ANXA2: variants seen among roughly 807,000 people sequenced by gnomAD.
The protein encoded by ANXA2 is annexin II.
A neutral mutation model predicts 47.3 loss-of-function variants in ANXA2; 28 were observed. The observed-to-expected ratio is 0.59, with a 90% CI of 0.44 to 0.81. The LOEUF (loss-of-function observed/expected upper bound fraction) is 0.81, where lower values mean the gene tolerates loss of function less well. ANXA2 is among the 40% of genes least tolerant of loss of function. The pLI, the probability that ANXA2 is intolerant of heterozygous loss-of-function variation, is 0.00. For synonymous variants in ANXA2, 172 were observed against 155.5 expected, an observed-to-expected ratio of 1.11 and a Z score of -0.79; for missense variants, 384 against 414.3, an observed-to-expected ratio of 0.93 and a Z score of 0.64.
chr15:60,353,651 T>C (rs981249752), intron 8 of ANXA2, among the ~76,000 whole-genome samples: 8 of 152,156 alleles, frequency 5.3e-5, no homozygotes, highest in African/African-American at 1.9e-4. Flanking sequence ...CCCCTCCCAC[T>C]GAGTGTGGGC....
chr15:60,383,521 C>A (rs777960055), intron 2 of ANXA2: 1 of 152,236 alleles, frequency 6.6e-6, no homozygotes, highest in Non-Finnish European at 1.5e-5. Context: ...AGTGCTTCTA[C>A]GTCAGTTCTC....
chr15:60,394,271 A>T (rs1042581208), intron 1 of ANXA2, among the ~76,000 whole-genome samples: 1 of 152,108 alleles, frequency 6.6e-6, no homozygotes, highest in Admixed American at 6.5e-5. Context: ...TGTGGCAGGG[A>T]GACAAAGGAC....
At chr15:60,365,905 G>A (rs1045349049) in intron 3 of ANXA2, among the ~76,000 whole-genome samples, 11 of 125,410 alleles carry the variant, frequency 8.8e-5, no homozygotes, top group Non-Finnish European at 6.6e-5. Flanking sequence ...CCGAGCCAAA[G>A]CTGGACGGTA....
At chr15:60,387,890 C>G (rs115407836) in intron 1 of ANXA2, among the ~76,000 whole-genome samples, 341 of 152,182 alleles carry the variant, frequency 2.2e-3, no homozygotes, top group African/African-American at 7.2e-3. Flanking sequence ...TAAAACTTTC[C>G]TAAAAATGAA....
intron 3 of ANXA2, among the ~76,000 whole-genome samples, chr15:60,380,012 T>C (rs1436819981): frequency 6.6e-6 from 1 of 152,170 alleles, no homozygotes; most frequent in African/African-American, 2.4e-5. Flanking sequence ...CTTTGCTAGA[T>C]GAGTTAACTG....
intron 7 of ANXA2, among the ~76,000 whole-genome samples, chr15:60,354,446 C>T (rs2062394456): frequency 6.6e-6 from 1 of 151,992 alleles, no homozygotes; most frequent in Non-Finnish European, 1.5e-5. Context: ...TGGAGACCAA[C>T]CTGGCTAACA....
At chr15:60,367,548 G>A (rs1416709735) in intron 3 of ANXA2, among the ~76,000 whole-genome samples, 1 of 59,092 alleles carries the variant, frequency 1.7e-5, no homozygotes. Flanking sequence ...CAGCCGCCCC[G>A]TCCGGGAGGG....
At chr15:60,390,606 T>G (rs909192853) in intron 1 of ANXA2, 1 of 281,536 alleles carries the variant, frequency 3.6e-6, no homozygotes, top group African/African-American at 2.3e-5. Flanking sequence ...TCTAAGAAAA[T>G]GCTGGCTGTT....
At chr15:60,350,642 A>G (rs926551805) in intron 11 of ANXA2, among the ~76,000 whole-genome samples, 1 of 152,138 alleles carries the variant, frequency 6.6e-6, no homozygotes, top group African/African-American at 2.4e-5. Context: ...GTCTACGGGA[A>G]GAGGTGGTTC....
Position 60,347,360 on chromosome 15 carries a change from T to C in ANXA2, c.*270A>G. Reference sequence around the variant, plus strand: ...CTAAAGTACAAATTCAGTTTATTCATCTGTTTATGACACAGTACACAGGAG... The same window carrying C: ...CTAAAGTACAAATTCAGTTTATTCACCTGTTTATGACACAGTACACAGGAG... On this transcript the variant is annotated 3_prime_UTR_variant, in exon 13 of 13. Transcript: ENST00000451270. 1 of 483,504 alleles carries C rather than the reference T, an allele frequency of 2.1e-6. No individual in the cohort carries two copies. The highest frequency in any genetic ancestry group is 3.7e-6 in the Non-Finnish European group (1 of 269,960). 30.0% of individuals were successfully genotyped at this position (483,504 alleles called of 1,614,324 possible).
At chr15:60,397,804 TC>T in intron 1 of ANXA2, 138 bp downstream of exon 1, 3 of 1,280,206 alleles carry the variant, frequency 2.3e-6, no homozygotes, top group Non-Finnish European at 3.0e-6. Context: ...GTGCCGGCCG[TC>T]CCTTCAGCCC....
Position 60,349,202 on chromosome 15 carries a change from A to G in ANXA2, c.838-5T>C, listed in dbSNP as rs369203934. The stretch of plus-strand genomic sequence containing the variant: ...CTTATCTCGCGTCCCCTTGCCCTGA[A>G]AATCAAGTTGATATTTGTTACATTC... On this transcript the variant is annotated splice_region_variant and splice_polypyrimidine_tract_variant and intron_variant, in intron 11 of 12. Transcript: ENST00000451270. The G allele has an allele frequency of 4.3e-5, 69 of 1,613,808 alleles. No homozygotes were observed. In the East Asian group the frequency reaches 1.4e-3, roughly 33 times the overall value.
intron 1 of ANXA2, among the ~76,000 whole-genome samples, chr15:60,395,072 A>G (rs2063063509): frequency 6.6e-6 from 1 of 151,982 alleles, no homozygotes; most frequent in Non-Finnish European, 1.5e-5. Context: ...CATAATTTTA[A>G]GCAAAACTTC....
At chr15:60,351,990 C>G (rs867651275) in intron 9 of ANXA2, among the ~76,000 whole-genome samples, 171 bp from the exon 10 acceptor site, 1 of 152,134 alleles carries the variant, frequency 6.6e-6, no homozygotes, top group East Asian at 1.9e-4. Context: ...CCAAGTTTGT[C>G]GTGGAACAGC....
chr15:60,391,046 A>G (rs773212877), intron 1 of ANXA2: 3 of 152,368 alleles, frequency 2.0e-5, no homozygotes, highest in Non-Finnish European at 4.4e-5. Context: ...AGCCTGCACT[A>G]TATTAAAGGA....
rs373873496 is a variant in ANXA2 at position 60,351,950 on chromosome 15, G to A, written c.683-131C>T. 4.4e-6 allele frequency: 3 copies of A among 676,228 alleles called. No individual in the cohort carries two copies. In the South Asian group the frequency reaches 5.7e-5, roughly 13 times the overall value. 41.9% of individuals were successfully genotyped at this position (676,228 alleles called of 1,614,324 possible). ...GATCACAGCATCCTAGGAGCTTAGA[G>A]GTTACCACGGTGACCAGAGCCAACA... is the stretch of plus-strand genomic sequence containing the variant. On this transcript the variant is annotated intron_variant, in intron 9 of 12. Transcript: ENST00000451270.
chr15:60,376,396 AGAC>A (rs1298088157), intron 3 of ANXA2, among the ~76,000 whole-genome samples: 83 of 151,806 alleles, frequency 5.5e-4, no homozygotes, highest in African/African-American at 1.8e-3. Flanking sequence ...AAAAAAAAGA[AGAC>A]GACGACGACA....
At chr15:60,397,771 GC>G (rs1161755287) in intron 1 of ANXA2, 171 bp downstream of exon 1, 1 of 1,074,318 alleles carries the variant, frequency 9.3e-7, no homozygotes, top group Non-Finnish European at 1.2e-6. Flanking sequence ...TTGTCCCTGA[GC>G]CCCCTCCCCA....
rs192007427 is a variant in ANXA2 at position 60,397,954 on chromosome 15, G to A, written c.-23C>T. On this transcript the variant is annotated 5_prime_UTR_variant, in exon 1 of 13. Coordinates refer to ENST00000451270, the MANE Select transcript of ANXA2 (RefSeq NM_004039.3). Reference sequence around the variant, plus strand: ...CGCGCCCCGCTTACCTGGGCCGTGCGCCGAGAGCTGAGAGCGTCCCCAAAT... The same window carrying A: ...CGCGCCCCGCTTACCTGGGCCGTGCACCGAGAGCTGAGAGCGTCCCCAAAT... 3.2e-3 allele frequency: 4,045 copies of A among 1,278,834 alleles called. 307 individuals carry two copies. The Admixed American group carries it at 0.15, about 47-fold the overall frequency. 79.2% of individuals were successfully genotyped at this position (1,278,834 alleles called of 1,614,324 possible).
Sources: allele counts gnomAD v4.1 joint callset (sites outside exome capture counted in the v4.1 genomes callset), GRCh38; gene constraint gnomAD v4.1.1; transcripts MANE v1.5; gene names NCBI Gene and HGNC (gene_info 2026-07-23, HGNC 2026-07-21).